Variants in CASZ1 observed in about 807,000 individuals in gnomAD.
CASZ1 encodes the protein zinc finger protein castor homolog 1.
A neutral mutation model predicts 135.2 loss-of-function variants in CASZ1; 28 were observed. The observed-to-expected ratio is 0.21, with a 90% CI of 0.15 to 0.28. The LOEUF is 0.28. CASZ1 is among the 10% of genes least tolerant of loss of function. The probability of loss-of-function intolerance (pLI) is 1.00; values close to 1 mark genes in which losing one functional copy is unlikely to be tolerated. For missense variants in CASZ1, 2,161 were observed against 2,453.3 expected, an observed-to-expected ratio of 0.88 and a Z score of 2.52; for synonymous variants, 1,068 against 1,073.4, an observed-to-expected ratio of 0.99 and a Z score of 0.10.
At chr1:10,748,164 G>A (rs1640081590) in intron 2 of CASZ1, among the ~76,000 whole-genome samples, 1 of 152,152 alleles carries the variant, frequency 6.6e-6, no homozygotes, top group Middle Eastern at 3.2e-3. Context: ...CCCCTTCTAA[G>A]CCTGGCAGAG....
chr1:10,662,103 C>T (rs539816494), intron 5 of CASZ1, among the ~76,000 whole-genome samples: 8 of 151,808 alleles, frequency 5.3e-5, no homozygotes, highest in African/African-American at 1.9e-4. Context: ...CAGTTACATG[C>T]ACACAATGAC....
At chr1:10,675,856 C>T (rs958962259) in intron 4 of CASZ1, among the ~76,000 whole-genome samples, 2 of 150,360 alleles carry the variant, frequency 1.3e-5, no homozygotes, top group South Asian at 2.1e-4. Flanking sequence ...GGGTCCCCAG[C>T]GGCAAAGTCC....
intron 3 of CASZ1, among the ~76,000 whole-genome samples, chr1:10,703,354 A>C (rs893973559): frequency 6.6e-6 from 1 of 152,102 alleles, no homozygotes; most frequent in Non-Finnish European, 1.5e-5. Context: ...CTTCTCAGCC[A>C]GACTGCAGCC....
chr1:10,738,215 GA>G (rs1268465995), intron 2 of CASZ1, among the ~76,000 whole-genome samples: 3 of 152,110 alleles, frequency 2.0e-5, no homozygotes, highest in African/African-American at 7.2e-5. Context: ...TACCTCTAAA[GA>G]GGTGGCCTTT....
intron 2 of CASZ1, among the ~76,000 whole-genome samples, chr1:10,718,295 G>A (rs574872618): frequency 1.3e-4 from 20 of 152,346 alleles, no homozygotes; most frequent in Non-Finnish European, 2.6e-4. Flanking sequence ...CCACCTCCTC[G>A]GCCCTGACTC....
intron 13 of CASZ1, 36 bp from the exon 14 acceptor site, chr1:10,649,473 A>C: frequency 6.4e-7 from 1 of 1,572,106 alleles, no homozygotes; most frequent in Non-Finnish European, 8.7e-7. Context: ...GGGCTGGGGT[A>C]GCTTAGAACA....
At chr1:10,656,050 A>C (rs1642779234) in intron 8 of CASZ1, among the ~76,000 whole-genome samples, 5 of 152,216 alleles carry the variant, frequency 3.3e-5, no homozygotes, top group African/African-American at 1.2e-4. Flanking sequence ...CTAGGTGCCC[A>C]GTGGCCATCC....
chr1:10,645,549 C>T (rs1000041809), intron 17 of CASZ1, among the ~76,000 whole-genome samples: 1 of 152,162 alleles, frequency 6.6e-6, no homozygotes, highest in Non-Finnish European at 1.5e-5. Flanking sequence ...AGTGTCTGCC[C>T]TTAGTCACTG....
intron 2 of CASZ1, among the ~76,000 whole-genome samples, chr1:10,753,316 A>T (rs1395704485): frequency 6.6e-6 from 1 of 152,098 alleles, no homozygotes; most frequent in Admixed American, 6.5e-5. Context: ...AGGACAGCAG[A>T]TTCTTTTCAA....
intron 1 of CASZ1, among the ~76,000 whole-genome samples, chr1:10,795,791 T>C (rs1452868267): frequency 1.3e-5 from 2 of 151,468 alleles, no homozygotes; most frequent in Non-Finnish European, 2.9e-5. Flanking sequence ...CAGGCACAGA[T>C]GAAAAAGGGG....
chr1:10,644,892 T>G, intron 18 of CASZ1, 25 bp downstream of exon 18: 1 of 1,599,712 alleles, frequency 6.3e-7, no homozygotes, highest in Non-Finnish European at 8.5e-7. Context: ...TGCAAGTCCC[T>G]GCCCGCAGCC....
Position 10,646,933 on chromosome 1 carries a change from C to T in CASZ1, c.3498-607G>A, listed in dbSNP as rs1269770722. 2.0e-5 allele frequency among the ~76,000 whole-genome samples: 3 copies of T among 152,180 alleles called. No individual in the cohort carries two copies. The highest frequency in any genetic ancestry group is 1.9e-4 in the East Asian group (1 of 5,190). Reference sequence around the variant, plus strand: ...GAGTGGGAGAGCTGCTGGGGCAGAGCGGGTGTGCTGGCCTGCCCTAGGCCG... The same window carrying T: ...GAGTGGGAGAGCTGCTGGGGCAGAGTGGGTGTGCTGGCCTGCCCTAGGCCG... On this transcript the variant is annotated intron_variant, in intron 16 of 20. Transcript: ENST00000377022. The surrounding 1 kb of genome is among the most constrained non-coding windows in gnomAD (Gnocchi z 6.4).
chr1:10,767,749 C>A lies in CASZ1; in HGVS notation c.-233-6892G>T, dbSNP rs1003389594. ...CTGAGCCATATTTTATGACCCACTG[C>A]AAGCAGAAAGGGCCACATCAGCAGG... On this transcript the variant is annotated intron_variant, in intron 1 of 20. Coordinates refer to ENST00000377022, the MANE Select transcript of CASZ1 (RefSeq NM_001079843.3). This position sits in a 1 kb window ranked among gnomAD's most constrained non-coding sequence, Gnocchi z 4.2. Among the ~76,000 whole-genome samples the A allele has an allele frequency of 1.3e-5, 2 of 152,200 alleles. No homozygotes were observed. Among genetic ancestry groups the A allele is most frequent in the African/African-American group, 4.8e-5 (2 of 41,458 alleles).
At chr1:10,656,241 C>T (rs145959333) in intron 8 of CASZ1, among the ~76,000 whole-genome samples, 5 of 152,368 alleles carry the variant, frequency 3.3e-5, no homozygotes, top group African/African-American at 9.6e-5. Context: ...CGCTCACTGG[C>T]GGGCAGCCTT....
chr1:10,708,310 T>C (rs538687461), intron 2 of CASZ1, among the ~76,000 whole-genome samples: 2 of 152,278 alleles, frequency 1.3e-5, no homozygotes, highest in East Asian at 3.9e-4. Flanking sequence ...CACCATCCCA[T>C]TGCACAAGTA....
At chr1:10,681,852 C>G (rs1638433689) in intron 4 of CASZ1, among the ~76,000 whole-genome samples, 1 of 152,226 alleles carries the variant, frequency 6.6e-6, no homozygotes, top group South Asian at 2.1e-4. Context: ...GAAGCCCCTT[C>G]TCTTGGGTCT....
At position 10,743,810 on chromosome 1, in the gene CASZ1, C is replaced by T. The variant is rs12026593; in HGVS notation, c.-77+16891G>A. Reference sequence around the variant, plus strand: ...GGATGGGAGATGTCTTTTAGGTACCCGATGAGCAGAGAGCAAGAAGCGAGG... The same window carrying T: ...GGATGGGAGATGTCTTTTAGGTACCTGATGAGCAGAGAGCAAGAAGCGAGG... On this transcript the variant is annotated intron_variant, in intron 2 of 20. Transcript: ENST00000377022. Among the ~76,000 whole-genome samples, 285 of 138,164 alleles carry T rather than the reference C, an allele frequency of 2.1e-3. 1 individual carries two copies. The highest frequency in any genetic ancestry group is 3.1e-3 in the Non-Finnish European group (203 of 66,044). The allele number at this position is 138,164 out of a possible 152,430, so 90.6% of individuals were successfully genotyped here.
rs574448696 is a variant in CASZ1, at chr1:10,681,411, A to G, written c.16+12463T>C. 3.3e-5 allele frequency among the ~76,000 whole-genome samples: 5 copies of G among 152,172 alleles called. No homozygotes were observed. The East Asian group carries it at 9.7e-4, about 30-fold the overall frequency. ...GAGGCAGCGCCCGCCTCTCCCTGCCAGGCCCTCAGCACGCTGCCCCCTCAG... is the reference window on the plus strand; with the variant it reads ...GAGGCAGCGCCCGCCTCTCCCTGCCGGGCCCTCAGCACGCTGCCCCCTCAG... On this transcript the variant is annotated intron_variant, in intron 4 of 20. Coordinates refer to ENST00000377022, the MANE Select transcript of CASZ1 (RefSeq NM_001079843.3).
At chr1:10,715,936 A>G in intron 2 of CASZ1, among the ~76,000 whole-genome samples, 1 of 122,940 alleles carries the variant, frequency 8.1e-6, no homozygotes. Flanking sequence ...TCCGCTTCCC[A>G]CAGCACCCAA....
Sources: gnomAD v4.1 joint callset for allele counts (sites outside exome capture counted in the v4.1 genomes callset) on GRCh38, gnomAD v4.1.1 for gene constraint, Gnocchi (gnomAD v3.1) non-coding constraint, MANE v1.5 for transcripts, NCBI Gene and HGNC (gene_info 2026-07-23, HGNC 2026-07-21) for gene names.